Variants in PCDHA5 observed in about 807,000 individuals in gnomAD.
PCDHA5 encodes the protein protocadherin alpha-5.
Under a neutral mutation model 61.6 loss-of-function variants are expected in PCDHA5, and 43 were observed. That is an observed-to-expected ratio of 0.70 (90% confidence interval 0.55 to 0.90). PCDHA5 has a LOEUF of 0.90. Among genes scored for constraint, PCDHA5 ranks in the 40% least tolerant of loss-of-function variants. PCDHA5 has a pLI of 0.00. For synonymous variants in PCDHA5, 627 were observed against 543.9 expected (o/e 1.15, Z -2.13); for missense variants, 1,298 against 1,222.7 (o/e 1.06, Z -0.92).
intron 1 of PCDHA5, chr5:140,857,485 G>C (rs1554150101): frequency 6.3e-7 from 1 of 1,598,368 alleles, no homozygotes; most frequent in Non-Finnish European, 8.6e-7. Context: ...TGTCTGCGTG[G>C]GACGCGGACG....
chr5:140,870,443 T>G (rs1207012137), intron 1 of PCDHA5: 1 of 1,614,094 alleles, frequency 6.2e-7, no homozygotes, highest in Non-Finnish European at 8.5e-7. Flanking sequence ...GTGGCCGACG[T>G]GAACGACAAT....
intron 1 of PCDHA5, among the ~76,000 whole-genome samples, chr5:140,895,531 A>T (rs1433375510): frequency 6.6e-6 from 1 of 152,016 alleles, no homozygotes; most frequent in Non-Finnish European, 1.5e-5. Flanking sequence ...TTCGTTTTTC[A>T]ATTGTTGAGT....
chr5:140,961,054 T>C (rs1290831214), intron 1 of PCDHA5, among the ~76,000 whole-genome samples: 2 of 152,136 alleles, frequency 1.3e-5, no homozygotes, highest in African/African-American at 4.8e-5. Context: ...AACAAAATGT[T>C]GAATGGGATA....
intron 1 of PCDHA5, among the ~76,000 whole-genome samples, chr5:140,939,255 A>T (rs1032457788): frequency 2.6e-5 from 4 of 152,060 alleles, no homozygotes; most frequent in Non-Finnish European, 4.4e-5. Context: ...GCTCTCTGGA[A>T]CCTCTTTTAT....
At chr5:140,877,686 G>C in intron 1 of PCDHA5, 1 of 1,613,818 alleles carries the variant, frequency 6.2e-7, no homozygotes, top group South Asian at 1.1e-5. Context: ...GCAAGCCCAC[G>C]CTGGTGTGCT....
At chr5:140,862,646 C>A (rs2047467861) in intron 1 of PCDHA5, 1 of 541,802 alleles carries the variant, frequency 1.8e-6, no homozygotes, top group Admixed American at 1.9e-5. Flanking sequence ...TTCACAGTGT[C>A]CGCGCGGGAC....
At chr5:140,913,003 T>C (rs1049022016) in intron 1 of PCDHA5, among the ~76,000 whole-genome samples, 29 of 152,204 alleles carry the variant, frequency 1.9e-4, no homozygotes, top group African/African-American at 7.0e-4. Flanking sequence ...TAGTATTTTG[T>C]TGAGGATTTT....
intron 1 of PCDHA5, chr5:140,926,758 G>C: frequency 2.3e-6 from 3 of 1,302,056 alleles, no homozygotes; most frequent in Non-Finnish European, 3.0e-6. Flanking sequence ...CGGTCGCTGA[G>C]TATCCAGCCC....
At chr5:140,857,758 C>T (rs1562528719) in intron 1 of PCDHA5, 2 of 1,597,374 alleles carry the variant, frequency 1.3e-6, no homozygotes, top group Admixed American at 1.7e-5. Flanking sequence ...CTCCCGCTGG[C>T]AGCGCGGGCG....
intron 1 of PCDHA5, chr5:140,829,251 G>C: frequency 6.2e-7 from 1 of 1,614,268 alleles, no homozygotes; most frequent in Non-Finnish European, 8.5e-7. Flanking sequence ...CAGGTGAACT[G>C]CTCGCTGACG....
In PCDHA5 at chr5:141,010,121, T is replaced by C; in HGVS notation, c.*184T>C. The C allele has an allele frequency of 1.2e-6, 2 of 1,606,996 alleles. No homozygotes were observed. The highest frequency in any genetic ancestry group is 1.7e-6 in the Non-Finnish European group (2 of 1,176,140). On this transcript the variant is annotated 3_prime_UTR_variant, in exon 4 of 4. Transcript: ENST00000529859. ...ACAGGTTTTGTCGTAAAAGCTTTAC[T>C]AAGTCTGGTGTTAACTCTTTCTCTC... is the stretch of plus-strand genomic sequence containing the variant.
intron 1 of PCDHA5, chr5:140,828,357 G>C: frequency 1.2e-6 from 2 of 1,614,242 alleles, no homozygotes; most frequent in Non-Finnish European, 1.7e-6. Context: ...GTGAATTCTC[G>C]GATCGACCGC....
At chr5:140,968,027 C>G in intron 1 of PCDHA5, 2 of 1,614,200 alleles carry the variant, frequency 1.2e-6, no homozygotes, top group Middle Eastern at 1.6e-4. Flanking sequence ...CTCCTATACA[C>G]TGGTGGTGAG....
chr5:140,969,205 C>G (rs1046509500), intron 1 of PCDHA5: 6 of 1,614,130 alleles, frequency 3.7e-6, no homozygotes, highest in East Asian at 2.2e-5. Context: ...ATACAGGGGC[C>G]CAGACAGGAC....
intron 3 of PCDHA5, among the ~76,000 whole-genome samples, chr5:140,997,957 C>T (rs1051643572): frequency 6.6e-5 from 10 of 152,156 alleles, no homozygotes; most frequent in East Asian, 1.9e-4. Context: ...TTGGCATTCA[C>T]GTACCTGTGG....
rs2150530926 is a variant in PCDHA5 at position 140,853,336 on chromosome 5, A to G, written c.2352+29209A>G. The G allele has an allele frequency of 4.1e-5, 40 of 984,520 alleles. 4 individuals carry two copies. The highest frequency in any genetic ancestry group is 4.9e-5 in the Non-Finnish European group (40 of 817,056). 61.0% of individuals were successfully genotyped at this position (984,520 alleles called of 1,614,324 possible). A position where few individuals can be genotyped will look rare whatever the true frequency, so the allele number is the denominator to read the frequency against. On this transcript the variant is annotated intron_variant, in intron 1 of 3. Transcript: ENST00000529859. ...AGTAATAAATTTATCTTTTGAGGTC[A>G]TTAGCAAACATGAACTCACAGGGAT...
chr5:140,883,503 C>T (rs782604086), intron 1 of PCDHA5: 7 of 1,614,204 alleles, frequency 4.3e-6, no homozygotes, highest in Non-Finnish European at 5.9e-6. Flanking sequence ...CTGGACAGCG[C>T]CCTGGACCGC....
At chr5:140,834,897 C>T (rs1364114983) in intron 1 of PCDHA5, 11 of 1,602,496 alleles carry the variant, frequency 6.9e-6, no homozygotes, top group Non-Finnish European at 2.6e-6. Flanking sequence ...CACTTACAGA[C>T]TGAGCCCCAA....
At chr5:140,967,198 C>T (rs2096112626) in intron 1 of PCDHA5, 9 of 1,613,662 alleles carry the variant, frequency 5.6e-6, no homozygotes, top group South Asian at 1.1e-5. Flanking sequence ...TCAACGACAA[C>T]TCACCGCGTT....
Sources: allele counts gnomAD v4.1 joint callset (sites outside exome capture counted in the v4.1 genomes callset), GRCh38; gene constraint gnomAD v4.1.1; transcripts MANE v1.5; gene names NCBI Gene and HGNC (gene_info 2026-07-23, HGNC 2026-07-21).